The following AHCY variants were observed in gnomAD, a reference collection of about 807,000 sequenced individuals.
AHCY encodes the protein S-adenosyl-L-homocysteine hydrolase.
AHCY carries 24 observed loss-of-function variants against 45.4 expected under a neutral mutation model. The observed-to-expected ratio is 0.53, with a 90% CI of 0.38 to 0.74. The LOEUF (loss-of-function observed/expected upper bound fraction) is 0.74, where lower values mean the gene tolerates loss of function less well. AHCY is among the 30% of genes least tolerant of loss of function. The pLI is 0.00. For synonymous variants in AHCY, 245 were observed against 235.1 expected (o/e 1.04, Z -0.39); for missense variants, 449 against 594.1 (o/e 0.76, Z 2.54).
chr20:34,263,508 T>C, the AHCY span, among the ~76,000 whole-genome samples: 1 of 152,052 alleles, frequency 6.6e-6, no homozygotes, highest in Non-Finnish European at 1.5e-5. Flanking sequence ...GAGGTTGCAG[T>C]GAGCTTGAGC....
At chr20:34,310,913 G>T (rs982737052) in intron 1 of AHCY, among the ~76,000 whole-genome samples, 1 of 151,900 alleles carries the variant, frequency 6.6e-6, no homozygotes, top group Non-Finnish European at 1.5e-5. Context: ...GTCACCTGAG[G>T]TCAGGAGTTC....
At chr20:34,306,212 T>C (rs2036894883), upstream of AHCY, among the ~76,000 whole-genome samples, 1 of 152,176 alleles carries the variant, frequency 6.6e-6, no homozygotes, top group Non-Finnish European at 1.5e-5. Flanking sequence ...CTAATATTTG[T>C]ACCGTTAAGT....
Position 34,295,576 on chromosome 20 carries a change from C to A in AHCY, c.38G>T (p.Gly13Val). 1 of 1,614,066 alleles carries A rather than the reference C, an allele frequency of 6.2e-7. No homozygotes were observed. Among genetic ancestry groups the A allele is most frequent in the Non-Finnish European group, 8.5e-7 (1 of 1,179,998 alleles). Residue 13 changes from glycine (G) to valine (V), a missense_variant, in exon 2 of 10, where the codon GGC becomes GTC. Transcript: ENST00000217426. Reference protein sequence around the residue: ...DKLPYKVADIGLAAWGRKALD... With the variant: ...DKLPYKVADIVLAAWGRKALD... ...GGCCTTGCGTCCCCAGGCAGCCAGG[C>A]CGATGTCGGCTACGGGAGGAAACAG...
the AHCY span, among the ~76,000 whole-genome samples, chr20:34,260,192 C>G: frequency 6.6e-6 from 1 of 152,080 alleles, no homozygotes; most frequent in Admixed American, 6.6e-5. Flanking sequence ...CTTCTCTCTT[C>G]TTCCCTCATC....
chr20:34,277,059 C>T (rs2035915344), downstream of AHCY, among the ~76,000 whole-genome samples: 1 of 152,132 alleles, frequency 6.6e-6, no homozygotes, highest in Admixed American at 6.5e-5. Context: ...GGAGTCCTCA[C>T]TGGCATCAAC....
At chr20:34,297,106 G>A (rs139730626) in intron 1 of AHCY, among the ~76,000 whole-genome samples, 4 of 152,078 alleles carry the variant, frequency 2.6e-5, no homozygotes, top group African/African-American at 7.2e-5. Flanking sequence ...GCTGTGGCCT[G>A]TCAGGTGAGA....
At chr20:34,237,518 C>T in the AHCY span, among the ~76,000 whole-genome samples, 1 of 152,118 alleles carries the variant, frequency 6.6e-6, no homozygotes, top group South Asian at 2.1e-4. Flanking sequence ...TGCTACTTTG[C>T]TAAACTGATT....
At chr20:34,284,785 T>C (rs1475148674) in intron 9 of AHCY, among the ~76,000 whole-genome samples, 1 of 152,182 alleles carries the variant, frequency 6.6e-6, no homozygotes, top group East Asian at 1.9e-4. Context: ...ATCACGTCAC[T>C]GCACTCTAGC....
At chr20:34,299,199 T>A (rs190098573) in intron 1 of AHCY, among the ~76,000 whole-genome samples, 1 of 152,220 alleles carries the variant, frequency 6.6e-6, no homozygotes, top group East Asian at 1.9e-4. Flanking sequence ...GTCACTACAC[T>A]ATCCCTGCTC....
chr20:34,233,746 A>G, the AHCY span, among the ~76,000 whole-genome samples: 1 of 152,212 alleles, frequency 6.6e-6, no homozygotes, highest in Admixed American at 6.5e-5. Flanking sequence ...GAAAGCCAAA[A>G]TCATGACACA....
the AHCY span, among the ~76,000 whole-genome samples, chr20:34,265,278 T>C: frequency 6.6e-6 from 1 of 152,122 alleles, no homozygotes; most frequent in Admixed American, 6.6e-5. Context: ...ATCCCAGCAC[T>C]TTGGGAGGTT....
the AHCY span, among the ~76,000 whole-genome samples, chr20:34,245,583 G>T: frequency 3.3e-5 from 5 of 151,376 alleles, no homozygotes; most frequent in African/African-American, 1.2e-4. Context: ...TAGAGACGGG[G>T]TTTCACCATA....
At chr20:34,251,141 G>A in the AHCY span, among the ~76,000 whole-genome samples, 1 of 152,122 alleles carries the variant, frequency 6.6e-6, no homozygotes, top group African/African-American at 2.4e-5. Context: ...CAGTGGGCTT[G>A]TACAAACTTT....
At chr20:34,292,933 C>T (rs964441096) in intron 3 of AHCY, among the ~76,000 whole-genome samples, 2 of 152,062 alleles carry the variant, frequency 1.3e-5, no homozygotes, top group Non-Finnish European at 2.9e-5. Flanking sequence ...CCCCACAACG[C>T]CTCCCCCTCA....
chr20:34,243,922 G>A, the AHCY span, among the ~76,000 whole-genome samples: 1 of 152,140 alleles, frequency 6.6e-6, no homozygotes, highest in South Asian at 2.1e-4. Flanking sequence ...AAAATTAACC[G>A]GGCGTGGTGG....
the AHCY span, chr20:34,260,634 C>A: frequency 7.8e-7 from 1 of 1,282,746 alleles, no homozygotes; most frequent in Non-Finnish European, 1.1e-6. Flanking sequence ...ATGGTCACGG[C>A]TCCTTCTTGC....
In AHCY at chr20:34,303,232, C is replaced by T. The variant is rs1482085385; in HGVS notation, c.28+11G>A. ...GGGCGGCCGCAACCGGCTGCAGGTCCTGGGACTCACCGACTTTGTAGGGCA... is the reference window on the plus strand; with the variant it reads ...GGGCGGCCGCAACCGGCTGCAGGTCTTGGGACTCACCGACTTTGTAGGGCA... On this transcript the variant is annotated intron_variant, in intron 1 of 9. Transcript: ENST00000217426. 1.3e-6 allele frequency: 2 copies of T among 1,551,424 alleles called. No individual in the cohort carries two copies. The highest frequency in any genetic ancestry group is 2.4e-5 in the South Asian group (2 of 84,016).
the AHCY span, among the ~76,000 whole-genome samples, chr20:34,258,827 TA>T: frequency 4.1e-5 from 5 of 121,542 alleles, no homozygotes; most frequent in African/African-American, 1.5e-4. Flanking sequence ...ATACTATATA[TA>T]GTATTATATA....
chr20:34,252,673 T>A, the AHCY span, among the ~76,000 whole-genome samples: 1 of 151,958 alleles, frequency 6.6e-6, no homozygotes, highest in Non-Finnish European at 1.5e-5. Flanking sequence ...CTTTCACTAC[T>A]CCCCCTCAGC....
Sources: allele counts gnomAD v4.1 joint callset (sites outside exome capture counted in the v4.1 genomes callset), GRCh38; gene constraint gnomAD v4.1.1; transcripts MANE v1.5; gene names NCBI Gene and HGNC (gene_info 2026-07-23, HGNC 2026-07-21).